The following SFMBT2 variants were observed in gnomAD, a reference collection of about 807,000 sequenced individuals.
SFMBT2 encodes the protein scm-like with four MBT domains protein 2.
A neutral mutation model predicts 110.1 loss-of-function variants in SFMBT2; 38 were observed. The observed-to-expected ratio is 0.35, with a 90% CI of 0.27 to 0.45. SFMBT2 has a LOEUF of 0.45. Ranked by LOEUF, SFMBT2 falls within the 20% of genes least tolerant of loss-of-function variation. The probability of loss-of-function intolerance (pLI) is 1.00; values close to 1 mark genes in which losing one functional copy is unlikely to be tolerated. For synonymous variants in SFMBT2, 425 were observed against 425.4 expected (o/e 1.00, Z 0.01); for missense variants, 1,011 against 1,094.9 (o/e 0.92, Z 1.08).
intron 4 of SFMBT2, chr10:7,329,422 A>G: frequency 1.0e-6 from 1 of 985,044 alleles, no homozygotes; most frequent in Non-Finnish European, 1.2e-6. Context: ...CGGGTGCTAA[A>G]GACATCCCCA....
At chr10:7,357,708 G>C (rs1844564188) in intron 4 of SFMBT2, among the ~76,000 whole-genome samples, 2 of 152,174 alleles carry the variant, frequency 1.3e-5, no homozygotes. Context: ...AACCATCTAA[G>C]TTCCCAAGAC....
intron 4 of SFMBT2, among the ~76,000 whole-genome samples, chr10:7,352,035 C>T (rs145538051): frequency 8.4e-4 from 127 of 152,086 alleles, no homozygotes; most frequent in Non-Finnish European, 1.3e-3. Context: ...TTTCTGAAGT[C>T]GCTTTTTTCT....
chr10:7,286,557 G>A (rs189755668), intron 4 of SFMBT2: 4 of 155,848 alleles, frequency 2.6e-5, no homozygotes, highest in Admixed American at 1.3e-4. Context: ...TACTGAACAT[G>A]TACACTTTTT....
chr10:7,182,892 C>A (rs1838285546), intron 16 of SFMBT2, among the ~76,000 whole-genome samples: 1 of 151,656 alleles, frequency 6.6e-6, no homozygotes, highest in South Asian at 2.1e-4. Context: ...AAAAAAAGAA[C>A]CACCAAAAAG....
chr10:7,189,177 C>T, intron 15 of SFMBT2: 1 of 985,388 alleles, frequency 1.0e-6, no homozygotes, highest in Non-Finnish European at 1.2e-6. Context: ...TCTGGAGAGG[C>T]TTCACATGCT....
intron 6 of SFMBT2, chr10:7,277,552 A>C: frequency 5.5e-6 from 1 of 182,242 alleles, no homozygotes; most frequent in Non-Finnish European, 1.1e-5. Context: ...TTAACACACC[A>C]CATGTTGCCC....
chr10:7,322,606 GACAC>G (rs139616328), intron 4 of SFMBT2, among the ~76,000 whole-genome samples: 27 of 148,598 alleles, frequency 1.8e-4, no homozygotes, highest in African/African-American at 2.2e-4. Context: ...ACTTATGGAA[GACAC>G]ACACACACAC....
rs552442303 is a variant in SFMBT2 at position 7,215,342 on chromosome 10, G to A, written c.1330+5069C>T. Among the ~76,000 whole-genome samples the A allele has an allele frequency of 6.0e-4, 91 of 152,326 alleles. 1 individual carries two copies. The highest frequency in any genetic ancestry group is 2.2e-3 in the African/African-American group (90 of 41,578). Reference sequence around the variant, plus strand: ...ATTATTTGAGGAGTCTGAGGCTGCAGTGAGCCGTGATCACACCACCACACT... The same window carrying A: ...ATTATTTGAGGAGTCTGAGGCTGCAATGAGCCGTGATCACACCACCACACT... On this transcript the variant is annotated intron_variant, in intron 11 of 20. Transcript: ENST00000397167.
intron 2 of SFMBT2, 127 bp downstream of exon 2, chr10:7,381,672 T>C (rs774307540): frequency 2.7e-5 from 28 of 1,045,994 alleles, no homozygotes; most frequent in Non-Finnish European, 2.4e-5. Context: ...TAAATAGGAC[T>C]TCAAATCCCA....
At chr10:7,335,160 A>T (rs924904652) in intron 4 of SFMBT2, among the ~76,000 whole-genome samples, 1 of 152,234 alleles carries the variant, frequency 6.6e-6, no homozygotes, top group African/African-American at 2.4e-5. Flanking sequence ...ACTGGGAACC[A>T]CGTTCAACAT....
intron 4 of SFMBT2, among the ~76,000 whole-genome samples, chr10:7,327,952 G>A (rs34258187): frequency 0.045 from 6,910 of 152,210 alleles, 224 homozygotes; most frequent in Non-Finnish European, 0.074. Flanking sequence ...TTATGTGAAC[G>A]TAAGTTTTCA....
chr10:7,254,014 C>T (rs1015601440), intron 7 of SFMBT2, among the ~76,000 whole-genome samples: 7 of 152,098 alleles, frequency 4.6e-5, no homozygotes, highest in Admixed American at 3.3e-4. Flanking sequence ...ACTGCAAGAG[C>T]GTGACAATAT....
In SFMBT2 at chr10:7,326,687, G is replaced by A. The variant is rs1843393838; in HGVS notation, c.437-40733C>T. The stretch of plus-strand genomic sequence containing the variant: ...GTTACCCTTTAATTTTCTAAGTGGT[G>A]CATGGTAATTTAATTGTGCACCTCT... On this transcript the variant is annotated intron_variant, in intron 4 of 20. Transcript: ENST00000397167. 2.0e-5 allele frequency among the ~76,000 whole-genome samples: 3 copies of A among 152,176 alleles called. No individual in the cohort carries two copies. In the South Asian group the frequency reaches 6.2e-4, roughly 31 times the overall value.
Position 7,163,747 on chromosome 10 carries a change from T to C in SFMBT2, c.*23A>G. ...TACCAACACCGCATCCCAGCAATAA[T>C]GGGCCACCTCCCGAGGGCAGACTCA... On this transcript the variant is annotated 3_prime_UTR_variant, in exon 21 of 21. Transcript: ENST00000397167. The surrounding 1 kb of genome is among the most constrained non-coding windows in gnomAD (Gnocchi z 4.8). 1 of 1,606,248 alleles carries C rather than the reference T, an allele frequency of 6.2e-7. No homozygotes were observed. The highest frequency in any genetic ancestry group is 8.5e-7 in the Non-Finnish European group (1 of 1,174,296).
intron 1 of SFMBT2, among the ~76,000 whole-genome samples, chr10:7,397,587 A>C (rs1377919920): frequency 2.0e-5 from 3 of 152,152 alleles, no homozygotes; most frequent in Non-Finnish European, 4.4e-5. Context: ...AAAATATTTC[A>C]ATCAAAATGG....
Position 7,248,635 on chromosome 10 carries a change from C to A in SFMBT2, c.885G>T (p.Leu295Phe). Residue 295 changes from leucine to phenylalanine, a missense_variant, in exon 8 of 21, where the codon TTG becomes TTT. By Grantham distance (22) the Leu-to-Phe change is conservative. Transcript: ENST00000397167. ...PMEVFKDHADLRSHFFTVGMK... is the reference protein window; with the variant it reads ...PMEVFKDHADFRSHFFTVGMK... Reference sequence around the variant, plus strand: ...TCCCAACTGTGAAGAAATGGCTTCGCAAATCTGCGTGATCCTGCAGGGAGA... The same window carrying A: ...TCCCAACTGTGAAGAAATGGCTTCGAAAATCTGCGTGATCCTGCAGGGAGA... The A allele has an allele frequency of 6.2e-7, 1 of 1,614,130 alleles. No individual in the cohort carries two copies. Among genetic ancestry groups the A allele is most frequent in the East Asian group, 2.2e-5 (1 of 44,884 alleles).
At chr10:7,373,971 A>C (rs960512778) in intron 2 of SFMBT2, among the ~76,000 whole-genome samples, 1 of 152,106 alleles carries the variant, frequency 6.6e-6, no homozygotes, top group African/African-American at 2.4e-5. Flanking sequence ...AATCACAAAC[A>C]TGCAAATCGA....
intron 4 of SFMBT2, among the ~76,000 whole-genome samples, chr10:7,336,546 TGGGAAGGCTGA>T (rs1843720604): frequency 6.6e-6 from 1 of 152,102 alleles, no homozygotes; most frequent in Non-Finnish European, 1.5e-5. Flanking sequence ...CTCCAGCACT[TGGGAAGGCTGA>T]GGCGGGAGGA....
At chr10:7,248,710 T>C in intron 7 of SFMBT2, 61 bp from the exon 8 acceptor site, 2 of 1,468,618 alleles carry the variant, frequency 1.4e-6, no homozygotes, top group Non-Finnish European at 1.9e-6. Context: ...TCAGCCACTG[T>C]CCGGATGCGC....
Sources: allele counts gnomAD v4.1 joint callset (sites outside exome capture counted in the v4.1 genomes callset), GRCh38; gene constraint gnomAD v4.1.1; non-coding constraint Gnocchi (gnomAD v3.1); transcripts MANE v1.5; gene names NCBI Gene and HGNC (gene_info 2026-07-23, HGNC 2026-07-21).